Variants in KITLG observed in about 807,000 individuals in gnomAD.
The protein encoded by KITLG is c-Kit ligand.
KITLG carries 13 observed loss-of-function variants against 34.1 expected under a neutral mutation model. That is an observed-to-expected ratio of 0.38 (90% CI 0.25 to 0.61). The LOEUF is 0.61. Ranked by LOEUF, KITLG falls within the 20% of genes least tolerant of loss-of-function variation. The pLI is 0.60. For missense variants in KITLG, 292 were observed against 318.9 expected, an observed-to-expected ratio of 0.92 and a Z score of 0.64; for synonymous variants, 110 against 104.0, an observed-to-expected ratio of 1.06 and a Z score of -0.35.
At position 88,550,171 on chromosome 12, in the gene KITLG, G is replaced by A. The variant is rs988536161; in HGVS notation, c.16-4306C>T. ...TGTTTTGAAGAGTTTTCCTTCAAAG[G>A]AGAGCAACTGGATAAACAAACACAT... On this transcript the variant is annotated intron_variant, in intron 1 of 9. Coordinates refer to ENST00000644744, the MANE Select transcript of KITLG (RefSeq NM_000899.5). Among the ~76,000 whole-genome samples, 23 of 152,308 alleles carry A rather than the reference G, an allele frequency of 1.5e-4. 1 individual carries two copies. The highest frequency in any genetic ancestry group is 6.8e-3 in the Middle Eastern group (2 of 294).
rs375417322 is a variant in KITLG at position 88,508,526 on chromosome 12, C to G, written c.605-1389G>C. Among the ~76,000 whole-genome samples, 32 of 151,902 alleles carry G rather than the reference C, an allele frequency of 2.1e-4. No homozygotes were observed. In the South Asian group the frequency reaches 6.2e-3, roughly 30 times the overall value. On this transcript the variant is annotated intron_variant, in intron 6 of 9. Transcript: ENST00000644744. ...TAAATGGTATGTTTCCAAGGAGACT[C>G]TAATGATGGGATGTATGGATGTGTG...
chr12:88,508,187 T>TA lies in KITLG; in HGVS notation c.605-1051dup, dbSNP rs939366263. On this transcript the variant is annotated intron_variant, in intron 6 of 9. Transcript: ENST00000644744. ...GGGCAACAGAGCAAGACTCTGTCTT[T>TA]AAAAAAAAAAAAGGAGCAGAATGAT... Among the ~76,000 whole-genome samples the TA allele has an allele frequency of 9.4e-4, 135 of 143,032 alleles. 1 individual carries two copies. The highest frequency in any genetic ancestry group is 5.7e-3 in the East Asian group (28 of 4,954). The allele number at this position is 143,032 out of a possible 152,430, so 93.8% of individuals were successfully genotyped here.
chr12:88,530,976 T>C (rs1040389502), intron 3 of KITLG, among the ~76,000 whole-genome samples: 7 of 152,184 alleles, frequency 4.6e-5, no homozygotes, highest in Non-Finnish European at 1.0e-4. Context: ...AGTAGATGTT[T>C]AATAAGTTTT....
rs1223167862 is a variant in KITLG, at chr12:88,496,082, T to C, written c.*1137A>G. 1 of 152,176 alleles carries C rather than the reference T, an allele frequency of 6.6e-6. No homozygotes were observed. Among genetic ancestry groups the C allele is most frequent in the East Asian group, 1.9e-4 (1 of 5,184 alleles). 9.4% of individuals were successfully genotyped at this position (152,176 alleles called of 1,614,324 possible). ...TTTTTAATTCATAAACCTTAATGAA[T>C]ATAGAGTGCCCGATTTTAACTAAAT... On this transcript the variant is annotated 3_prime_UTR_variant, in exon 10 of 10. Transcript: ENST00000644744.
At chr12:88,576,819 C>A (rs1871844774) in intron 1 of KITLG, among the ~76,000 whole-genome samples, 1 of 151,946 alleles carries the variant, frequency 6.6e-6, no homozygotes, top group Non-Finnish European at 1.5e-5. Flanking sequence ...CCTCCAATAC[C>A]CACACTTGCT....
chr12:88,544,528 T>C (rs1308319069), intron 2 of KITLG, among the ~76,000 whole-genome samples: 2 of 150,038 alleles, frequency 1.3e-5, no homozygotes, highest in African/African-American at 4.9e-5. Context: ...AAAAAAGTAC[T>C]CCCCCCTCAC....
chr12:88,560,349 CA>C (rs1343224139), intron 1 of KITLG, among the ~76,000 whole-genome samples: 1 of 152,148 alleles, frequency 6.6e-6, no homozygotes, highest in African/African-American at 2.4e-5. Flanking sequence ...GCTTTGCTAA[CA>C]GTAAATGACT....
intron 1 of KITLG, among the ~76,000 whole-genome samples, chr12:88,551,617 GT>G (rs1870917310): frequency 6.6e-6 from 1 of 152,124 alleles, no homozygotes; most frequent in Non-Finnish European, 1.5e-5. Context: ...TAGTTTTCCT[GT>G]TTCCCCCAGA....
At chr12:88,508,930 G>T (rs1412287882) in intron 6 of KITLG, among the ~76,000 whole-genome samples, 1 of 152,092 alleles carries the variant, frequency 6.6e-6, no homozygotes, top group Non-Finnish European at 1.5e-5. Flanking sequence ...TATATGAAAT[G>T]GATTCAGGGT....
chr12:88,554,172 T>G (rs1246277844), intron 1 of KITLG, among the ~76,000 whole-genome samples: 1 of 152,116 alleles, frequency 6.6e-6, no homozygotes, highest in Non-Finnish European at 1.5e-5. Context: ...TTTCCTTCAG[T>G]AGAAATTAAA....
At chr12:88,505,993 C>T (rs537832618) in intron 8 of KITLG, among the ~76,000 whole-genome samples, 1 of 152,290 alleles carries the variant, frequency 6.6e-6, no homozygotes, top group African/African-American at 2.4e-5. Flanking sequence ...AGAACATGAG[C>T]AAATGTGCCT....
At chr12:88,553,957 G>A (rs1475005190) in intron 1 of KITLG, among the ~76,000 whole-genome samples, 1 of 152,128 alleles carries the variant, frequency 6.6e-6, no homozygotes, top group Non-Finnish European at 1.5e-5. Flanking sequence ...CAAAGGCAAA[G>A]GTCTTGCTTA....
At chr12:88,505,633 T>C (rs778763249) in intron 8 of KITLG, among the ~76,000 whole-genome samples, 4 of 152,068 alleles carry the variant, frequency 2.6e-5, no homozygotes, top group Non-Finnish European at 4.4e-5. Flanking sequence ...CCAGCTACAG[T>C]GAATGGAAAG....
intron 2 of KITLG, among the ~76,000 whole-genome samples, chr12:88,539,246 T>C (rs1870434681): frequency 6.6e-6 from 1 of 152,174 alleles, no homozygotes; most frequent in East Asian, 1.9e-4. Flanking sequence ...TTACTTGTTA[T>C]GCTGTCTCTC....
intron 9 of KITLG, among the ~76,000 whole-genome samples, chr12:88,504,957 A>G (rs564487065): frequency 1.2e-4 from 14 of 117,700 alleles, no homozygotes; most frequent in Admixed American, 5.6e-4. Flanking sequence ...ACACCACACA[A>G]TGGAGCCTGT....
intron 1 of KITLG, among the ~76,000 whole-genome samples, chr12:88,578,690 T>A (rs1161981880): frequency 6.6e-6 from 1 of 152,172 alleles, no homozygotes; most frequent in Non-Finnish European, 1.5e-5. Flanking sequence ...GACATTAACC[T>A]TATCTGTCTC....
At chr12:88,500,071 T>C (rs1371822039) in intron 9 of KITLG, among the ~76,000 whole-genome samples, 1 of 152,214 alleles carries the variant, frequency 6.6e-6, no homozygotes, top group African/African-American at 2.4e-5. Flanking sequence ...CTCAAACCGA[T>C]GCTCACCCTT....
chr12:88,516,244 T>G, intron 5 of KITLG, 90 bp downstream of exon 5: 2 of 1,094,150 alleles, frequency 1.8e-6, no homozygotes, highest in Non-Finnish European at 1.4e-6. Context: ...TGTATCTTGC[T>G]ACAGCTTAAC....
chr12:88,532,352 A>C, intron 3 of KITLG, 89 bp downstream of exon 3: 1 of 969,472 alleles, frequency 1.0e-6, no homozygotes, highest in Non-Finnish European at 1.6e-6. Context: ...GCAAGCTCCT[A>C]AATAGCAGCT....
Sources: gnomAD v4.1 joint callset for allele counts (sites outside exome capture counted in the v4.1 genomes callset) on GRCh38, gnomAD v4.1.1 for gene constraint, MANE v1.5 for transcripts, NCBI Gene and HGNC (gene_info 2026-07-23, HGNC 2026-07-21) for gene names.